The following TLCD3B variants were observed in gnomAD, a reference collection of about 807,000 sequenced individuals.
The protein encoded by TLCD3B is ceramide synthase.
In TLCD3B, 9 loss-of-function variants were observed where a neutral mutation model predicts 23.0. The ratio of observed to expected loss-of-function variants is 0.39; its 90% CI spans 0.24 to 0.68. The LOEUF (loss-of-function observed/expected upper bound fraction) is 0.68. Among genes scored for constraint, TLCD3B ranks in the 30% least tolerant of loss-of-function variants. The probability of loss-of-function intolerance (pLI) is 0.44; values close to 1 mark genes in which losing one functional copy is unlikely to be tolerated. For missense variants in TLCD3B, 307 were observed against 371.8 expected, an observed-to-expected ratio of 0.83 and a Z score of 1.43; for synonymous variants, 161 against 161.0, an observed-to-expected ratio of 1.00 and a Z score of 0.00.
At chr16:30,050,033 C>A (rs190714753) in intron 1 of TLCD3B, among the ~76,000 whole-genome samples, 3 of 152,282 alleles carry the variant, frequency 2.0e-5, no homozygotes, top group African/African-American at 7.2e-5. Context: ...GGGCACTGCC[C>A]GTGCTCCTGC....
rs1300243265 is a variant in TLCD3B, at chr16:30,052,542, CA to C, written c.-294+231del. ...CGAAACCCTGTCTCTACTAAAAATACAAAAATTAGCCGGGTGTGGTAGTGCG... is the reference window on the plus strand; with the variant it reads ...CGAAACCCTGTCTCTACTAAAAATACAAAATTAGCCGGGTGTGGTAGTGCG... On this transcript the variant is annotated intron_variant, in intron 1 of 6. Coordinates refer to the TLCD3B transcript ENST00000561666. Among the ~76,000 whole-genome samples the C allele has an allele frequency of 3.0e-4, 46 of 151,160 alleles. No homozygotes were observed. The Middle Eastern group carries it at 0.01, about 34-fold the overall frequency.
At position 30,038,189 on chromosome 16, in the gene TLCD3B, C is replaced by T. The variant is rs530312396; in HGVS notation, c.-66-1975G>A. ...TGATGGTGGGCAAAGCCTTTATGGG[C>T]CTCAATTTCTTCATCTGTGAGGTTG... On this transcript the variant is annotated intron_variant, in intron 3 of 6. Transcript: ENST00000561666. Among the ~76,000 whole-genome samples, 4 of 152,244 alleles carry T rather than the reference C, an allele frequency of 2.6e-5. No individual in the cohort carries two copies. The East Asian group carries it at 7.7e-4, about 29-fold the overall frequency.
At chr16:30,032,355 ACTCCTCGC>A (rs1224932620), upstream of TLCD3B, among the ~76,000 whole-genome samples, 1 of 151,062 alleles carries the variant, frequency 6.6e-6, no homozygotes, top group Non-Finnish European at 1.5e-5. Flanking sequence ...GCCAGAGCCC[ACTCCTCGC>A]CTCCCCCAAA....
intron 1 of TLCD3B, among the ~76,000 whole-genome samples, chr16:30,050,835 T>C (rs896079137): frequency 5.3e-5 from 8 of 152,056 alleles, no homozygotes; most frequent in Non-Finnish European, 8.8e-5. Flanking sequence ...GTGGAGAACA[T>C]GGACAAAAAT....
chr16:30,052,187 G>A (rs906223983), intron 1 of TLCD3B, among the ~76,000 whole-genome samples: 2 of 151,932 alleles, frequency 1.3e-5, no homozygotes, highest in Non-Finnish European at 1.5e-5. Context: ...GGCCAACATG[G>A]TGAAACCCCG....
At chr16:30,026,587 C>G (rs779461951) in intron 3 of TLCD3B, 22 bp downstream of exon 3, 1 of 1,601,046 alleles carries the variant, frequency 6.2e-7, no homozygotes, top group African/African-American at 1.3e-5. Flanking sequence ...GCACCCCGCC[C>G]GCCCAGCTCC....
rs1023685946 is a variant in TLCD3B at position 30,025,375 on chromosome 16, C to G, written c.633G>C (p.Leu211=). The change falls in exon 5 of 5, where the codon CTG becomes CTC. Residue 211 remains leucine, a synonymous_variant. Coordinates refer to ENST00000380495, the MANE Select transcript of TLCD3B (RefSeq NM_031478.6). The surrounding 1 kb of genome is among the most constrained non-coding windows in gnomAD (Gnocchi z 4.1). ...CGGCATGGCGCCCGTAGGCCCAGTA[C>G]AGGTAGGGAAAGAGCAGCACCCGGC... ...LCCRVLLFPY[L]YWAYGRHAGL... is the part of the protein sequence containing the mutation. The G allele has an allele frequency of 1.9e-6, 3 of 1,607,844 alleles. No individual in the cohort carries two copies. The highest frequency in any genetic ancestry group is 2.7e-5 in the African/African-American group (2 of 74,734).
intron 1 of TLCD3B, among the ~76,000 whole-genome samples, chr16:30,048,665 T>C (rs1293724368): frequency 6.6e-6 from 1 of 151,854 alleles, no homozygotes; most frequent in African/African-American, 2.4e-5. Flanking sequence ...AGTGACATGA[T>C]CTCAACTCAC....
At chr16:30,045,737 T>TTG (rs141468225) in intron 2 of TLCD3B, among the ~76,000 whole-genome samples, 1,738 of 149,452 alleles carry the variant, frequency 0.012, 24 homozygotes, top group African/African-American at 0.04. Flanking sequence ...TGGTGTGTGT[T>TTG]TGTGTGTGTG....
rs759394391 is a variant in TLCD3B, at chr16:30,030,501, C to T, written c.27G>A (p.Gly9=). The change falls in exon 1 of 5, where the codon GGG becomes GGA. Residue 9 remains glycine (G), a synonymous_variant. Coordinates refer to ENST00000380495, the MANE Select transcript of TLCD3B (RefSeq NM_031478.6). ...GGAGGAAGAGTCCGGGGAACACCAC[C>T]CCCCCGGCCACCATCGGGGTCAGCA... MLTPMVAG[G]VVFPGLFLLS... 1.3e-6 allele frequency: 2 copies of T among 1,593,700 alleles called. No individual in the cohort carries two copies. The highest frequency in any genetic ancestry group is 4.5e-5 in the East Asian group (2 of 44,174).
At chr16:30,027,371 C>A (rs2071194305) in intron 2 of TLCD3B, among the ~76,000 whole-genome samples, 1 of 152,218 alleles carries the variant, frequency 6.6e-6, no homozygotes, top group South Asian at 2.1e-4. Context: ...TAGGTGTGGC[C>A]ATCATCCCCA....
In TLCD3B at chr16:30,030,529, G is replaced by T; in HGVS notation, c.-2C>A. 1 of 1,579,826 alleles carries T rather than the reference G, an allele frequency of 6.3e-7. No individual in the cohort carries two copies. Among genetic ancestry groups the T allele is most frequent in the Non-Finnish European group, 8.6e-7 (1 of 1,166,752 alleles). The stretch of plus-strand genomic sequence containing the variant: ...CCCGGCCACCATCGGGGTCAGCATG[G>T]TGGCTCAGGACTTGGGCAGGGAGGC... On this transcript the variant is annotated 5_prime_UTR_variant, in exon 1 of 5. Transcript: ENST00000380495.
intron 3 of TLCD3B, among the ~76,000 whole-genome samples, chr16:30,040,145 A>AT (rs1326659039): frequency 0.011 from 997 of 89,378 alleles, 12 homozygotes; most frequent in African/African-American, 0.031. Context: ...AAAAAAAAAA[A>AT]AAATATATAT....
At chr16:30,046,932 T>C (rs764540204) in intron 1 of TLCD3B, among the ~76,000 whole-genome samples, 2 of 152,224 alleles carry the variant, frequency 1.3e-5, no homozygotes, top group African/African-American at 2.4e-5. Flanking sequence ...GCTATACACA[T>C]ACGCATTGTG....
chr16:30,044,480 TG>T (rs2071626328), intron 2 of TLCD3B, among the ~76,000 whole-genome samples: 1 of 151,862 alleles, frequency 6.6e-6, no homozygotes, highest in Admixed American at 6.6e-5. Context: ...GCTAATTGTT[TG>T]TATTTTTTTT....
chr16:30,035,857 G>A (rs1266412573), upstream of TLCD3B, among the ~76,000 whole-genome samples: 1 of 151,340 alleles, frequency 6.6e-6, no homozygotes, highest in East Asian at 1.9e-4. Context: ...CCACCTCCCG[G>A]GTTCAAGCAA....
At chr16:30,044,634 T>C (rs1319735079) in intron 2 of TLCD3B, among the ~76,000 whole-genome samples, 1 of 152,188 alleles carries the variant, frequency 6.6e-6, no homozygotes, top group East Asian at 1.9e-4. Flanking sequence ...GGAAACTTTT[T>C]ATCACTCTGG....
chr16:30,026,577 G>A (rs778029887), intron 3 of TLCD3B, 32 bp downstream of exon 3: 20 of 1,579,658 alleles, frequency 1.3e-5, no homozygotes, highest in Admixed American at 8.4e-5. Flanking sequence ...CAGGCCACCC[G>A]CACCCCGCCC....
In TLCD3B at chr16:30,029,780, C is replaced by T. The variant is rs1397136128; in HGVS notation, c.126-265G>A. ...TCCCCATTTGTGGAAACTGAGTCTCCCTCTTCTCAAGCCCGCAGGGTGTCT... is the reference window on the plus strand; with the variant it reads ...TCCCCATTTGTGGAAACTGAGTCTCTCTCTTCTCAAGCCCGCAGGGTGTCT... On this transcript the variant is annotated intron_variant, in intron 1 of 4. Coordinates refer to ENST00000380495, the MANE Select transcript of TLCD3B (RefSeq NM_031478.6). The surrounding 1 kb of genome is among the most constrained non-coding windows in gnomAD (Gnocchi z 4.6). Among the ~76,000 whole-genome samples the T allele has an allele frequency of 1.3e-5, 2 of 152,192 alleles. No homozygotes were observed. Among genetic ancestry groups the T allele is most frequent in the Non-Finnish European group, 2.9e-5 (2 of 68,014 alleles).
Sources: allele counts gnomAD v4.1 joint callset (sites outside exome capture counted in the v4.1 genomes callset), GRCh38; gene constraint gnomAD v4.1.1; non-coding constraint Gnocchi (gnomAD v3.1); transcripts MANE v1.5; gene names NCBI Gene and HGNC (gene_info 2026-07-23, HGNC 2026-07-21).